WDR47: variants seen among roughly 807,000 people sequenced by gnomAD.
WDR47 encodes the protein WD repeat domain 47.
In WDR47, 32 loss-of-function variants were observed where a neutral mutation model predicts 97.2. The ratio of observed to expected loss-of-function variants is 0.33; its 90% CI spans 0.25 to 0.44. The LOEUF (loss-of-function observed/expected upper bound fraction) is 0.44. Ranked by LOEUF, WDR47 falls within the 20% of genes least tolerant of loss-of-function variation. The probability of loss-of-function intolerance (pLI) is 1.00; values close to 1 mark genes in which losing one functional copy is unlikely to be tolerated. For synonymous variants in WDR47, 375 were observed against 373.5 expected, an observed-to-expected ratio of 1.00 and a Z score of -0.05; for missense variants, 782 against 1,102.3, an observed-to-expected ratio of 0.71 and a Z score of 4.11.
chr1:108,978,961 AG>A (rs1204941108), intron 13 of WDR47, among the ~76,000 whole-genome samples: 1 of 152,226 alleles, frequency 6.6e-6, no homozygotes, highest in Non-Finnish European at 1.5e-5. Flanking sequence ...TGAGTAAAAA[AG>A]GAAGCAAAAA....
chr1:108,983,759 A>T (rs561541278), intron 10 of WDR47, among the ~76,000 whole-genome samples: 93 of 145,500 alleles, frequency 6.4e-4, no homozygotes, highest in South Asian at 2.3e-3. Context: ...AAAAAAAATT[A>T]AAAAAGCTAA....
At chr1:109,017,700 C>A in intron 2 of WDR47, 99 bp from the exon 3 acceptor site, 1 of 895,244 alleles carries the variant, frequency 1.1e-6, no homozygotes, top group East Asian at 2.5e-5. Flanking sequence ...CTTCATAAAG[C>A]ACACAATGAG....
chr1:108,993,205 G>A (rs191989943), intron 8 of WDR47, among the ~76,000 whole-genome samples: 133 of 152,062 alleles, frequency 8.7e-4, no homozygotes, highest in African/African-American at 3.2e-3. Context: ...TGTACCTGTA[G>A]TCCCAGCTAG....
intron 5 of WDR47, among the ~76,000 whole-genome samples, chr1:109,007,430 G>C (rs987009921): frequency 1.3e-5 from 2 of 151,784 alleles, no homozygotes; most frequent in East Asian, 3.9e-4. Flanking sequence ...CAAAGTGCTG[G>C]GATTACAGGT....
intron 13 of WDR47, 58 bp from the exon 14 acceptor site, chr1:108,974,812 AC>A (rs1186156239): frequency 2.3e-5 from 30 of 1,280,244 alleles, no homozygotes; most frequent in Non-Finnish European, 2.9e-5. Flanking sequence ...AAATGGCAAC[AC>A]AGCTGATTAT....
At chr1:109,020,027 T>C (rs957787468) in intron 2 of WDR47, among the ~76,000 whole-genome samples, 4 of 152,060 alleles carry the variant, frequency 2.6e-5, no homozygotes, top group East Asian at 1.9e-4. Flanking sequence ...GGGAGAATCA[T>C]TTGAGGCCAG....
chr1:109,020,296 GCACGATCTCAGCTCACTGCAAGCT>G (rs1478512328), intron 2 of WDR47, among the ~76,000 whole-genome samples: 3 of 151,342 alleles, frequency 2.0e-5, no homozygotes, highest in African/African-American at 4.8e-5. Flanking sequence ...GAATGCAGTG[GCACGATCTCAGCTCACTGCAAGCT>G]CACGATCTCG....
At chr1:108,993,947 A>G (rs1366891591) in intron 8 of WDR47, among the ~76,000 whole-genome samples, 1 of 152,224 alleles carries the variant, frequency 6.6e-6, no homozygotes, top group African/African-American at 2.4e-5. Context: ...ACCCAGTTGT[A>G]AATAACATTT....
intron 2 of WDR47, among the ~76,000 whole-genome samples, chr1:109,018,711 A>C (rs1261288245): frequency 6.6e-6 from 1 of 151,868 alleles, no homozygotes; most frequent in Admixed American, 6.6e-5. Flanking sequence ...GCTACTCGGG[A>C]GGCTGAGGTG....
At chr1:109,008,309 C>A (rs1356574758) in intron 5 of WDR47, among the ~76,000 whole-genome samples, 1 of 151,680 alleles carries the variant, frequency 6.6e-6, no homozygotes, top group African/African-American at 2.4e-5. Flanking sequence ...CTTACTCTGT[C>A]GCCTAGGCTG....
At chr1:109,024,230 C>CT (rs967179633) in intron 1 of WDR47, among the ~76,000 whole-genome samples, 4 of 152,064 alleles carry the variant, frequency 2.6e-5, no homozygotes, top group Non-Finnish European at 4.4e-5. Flanking sequence ...AGTGGAGGGA[C>CT]TGCTTGAGTT....
At chr1:108,986,045 A>C (rs1658773340) in intron 10 of WDR47, among the ~76,000 whole-genome samples, 1 of 152,076 alleles carries the variant, frequency 6.6e-6, no homozygotes, top group Non-Finnish European at 1.5e-5. Flanking sequence ...GTTATAATTA[A>C]AAAGTCTTAA....
chr1:109,027,060 G>T (rs1662261328), intron 1 of WDR47, among the ~76,000 whole-genome samples: 1 of 151,690 alleles, frequency 6.6e-6, no homozygotes, highest in East Asian at 1.9e-4. Context: ...ACCCAACACA[G>T]AATTTTTTTT....
At chr1:108,976,141 G>A (rs527360484) in intron 13 of WDR47, among the ~76,000 whole-genome samples, 1 of 152,290 alleles carries the variant, frequency 6.6e-6, no homozygotes, top group South Asian at 2.1e-4. Context: ...AGTACTTTGA[G>A]TAATCTAAGT....
At position 109,002,439 on chromosome 1, in the gene WDR47, A is replaced by T. The variant is rs755381964; in HGVS notation, c.1255-37T>A. 5 of 1,453,712 alleles carry T rather than the reference A, an allele frequency of 3.4e-6. No individual in the cohort carries two copies. The Admixed American group carries it at 9.1e-5, about 26-fold the overall frequency. The allele number at this position is 1,453,712 out of a possible 1,614,324, so 90.1% of individuals were successfully genotyped here. A position where few individuals can be genotyped will look rare whatever the true frequency, so the allele number is the denominator to read the frequency against. On this transcript the variant is annotated intron_variant, in intron 6 of 14. Transcript: ENST00000369962. ...TAGAAAAAAACATATATATTTGAGCAAACTATGACAGAATATATCTTAACA... is the reference window on the plus strand; with the variant it reads ...TAGAAAAAAACATATATATTTGAGCTAACTATGACAGAATATATCTTAACA...
rs570620348 is a variant in WDR47 at position 109,035,499 on chromosome 1, A to T, written c.-10+6363T>A. Among the ~76,000 whole-genome samples, 48 of 143,946 alleles carry T rather than the reference A, an allele frequency of 3.3e-4. 1 individual carries two copies. The highest frequency in any genetic ancestry group is 9.8e-4 in the Admixed American group (14 of 14,232). The allele number at this position is 143,946 out of a possible 152,430, so 94.4% of individuals were successfully genotyped here. On this transcript the variant is annotated intron_variant, in intron 1 of 14. Transcript: ENST00000369962. ...TTTCTCATATGAATACAATTTTTAA[A>T]TTTTTTTTTTTTTTTTGAGACGGAG...
intron 1 of WDR47, chr1:109,030,062 G>T (rs1662510970): frequency 1.7e-6 from 1 of 602,874 alleles, no homozygotes; most frequent in South Asian, 3.1e-5. Context: ...ACCCACAGGA[G>T]AACATGCCTC....
intron 7 of WDR47, among the ~76,000 whole-genome samples, chr1:108,998,420 T>C (rs1281577814): frequency 6.6e-6 from 1 of 151,950 alleles, no homozygotes; most frequent in Non-Finnish European, 1.5e-5. Flanking sequence ...GTGAATCGCT[T>C]GAACCTGGGA....
At chr1:109,032,675 T>C (rs1006280271) in intron 1 of WDR47, among the ~76,000 whole-genome samples, 7 of 151,096 alleles carry the variant, frequency 4.6e-5, no homozygotes, top group African/African-American at 1.7e-4. Flanking sequence ...GGTGGGCGGA[T>C]CACTTGAGGT....
Sources: gnomAD v4.1 joint callset for allele counts (sites outside exome capture counted in the v4.1 genomes callset) on GRCh38, gnomAD v4.1.1 for gene constraint, MANE v1.5 for transcripts, NCBI Gene and HGNC (gene_info 2026-07-23, HGNC 2026-07-21) for gene names.